Variants in DTX4 observed in about 807,000 individuals in gnomAD.
DTX4 encodes E3 ubiquitin-protein ligase DTX4.
In DTX4, 28 loss-of-function variants were observed where a neutral mutation model predicts 57.6. The observed-to-expected ratio is 0.49, with a 90% CI of 0.36 to 0.67. DTX4 has a LOEUF of 0.67. Ranked by LOEUF, DTX4 falls within the 30% of genes least tolerant of loss-of-function variation. DTX4 has a pLI of 0.00. For missense variants in DTX4, 715 were observed against 836.8 expected (o/e 0.85, Z 1.80); for synonymous variants, 316 against 331.0 (o/e 0.95, Z 0.49).
chr11:59,172,895 A>G, intron 1 of DTX4, 89 bp downstream of exon 1: 1 of 1,053,248 alleles, frequency 9.5e-7, no homozygotes, highest in Non-Finnish European at 1.3e-6. Context: ...CACCTTGGCC[A>G]CCTAGTCGGC....
rs768448181 is a variant in DTX4, at chr11:59,189,200, G to A, written c.1036G>A (p.Val346Met). The change falls in exon 4 of 9, where the codon GTG (valine) becomes ATG (methionine). Residue 346 changes from valine (V) to methionine (M), a missense_variant. Transcript: ENST00000227451. The stretch of plus-strand genomic sequence containing the variant: ...CCTCATGAGTGCAGCGGGGCTGCCT[G>A]TGTGTCTCACCAGGCCACCAAAGCT... ...GILMSAAGLP[V>M]CLTRPPKLVL... The A allele has an allele frequency of 6.2e-7, 1 of 1,613,772 alleles. No individual in the cohort carries two copies.
intron 6 of DTX4, among the ~76,000 whole-genome samples, chr11:59,192,713 T>C (rs1035948157): frequency 1.3e-5 from 2 of 152,208 alleles, no homozygotes; most frequent in African/African-American, 4.8e-5. Flanking sequence ...ACAATTTTCT[T>C]TGGACAATTT....
chr11:59,196,797 G>A (rs532002754), intron 7 of DTX4, among the ~76,000 whole-genome samples: 34 of 152,056 alleles, frequency 2.2e-4, no homozygotes, highest in Non-Finnish European at 4.4e-4. Context: ...CCCAGATGAG[G>A]CCATCTAGTT....
Position 59,172,768 on chromosome 11 carries a change from T to C in DTX4, c.173T>C (p.Ile58Thr). Residue 58 changes from isoleucine to threonine, a missense_variant, in exon 1 of 9, where the codon ATC becomes ACC. Physicochemically the swap from Ile to Thr is moderately conservative, Grantham distance 89 (BLOSUM62 -1). Transcript: ENST00000227451. ...QVDSRLAPYI[I>T]DLQSMNQFRQ... ...GACAGCCGTCTCGCGCCCTACATCA[T>C]CGACCTGCAGTCCATGAACCAGTTC... 1 of 1,598,680 alleles carries C rather than the reference T, an allele frequency of 6.3e-7. No homozygotes were observed. Among genetic ancestry groups the C allele is most frequent in the East Asian group, 2.3e-5 (1 of 43,440 alleles).
intron 1 of DTX4, among the ~76,000 whole-genome samples, chr11:59,173,419 G>A (rs1352347227): frequency 6.6e-6 from 1 of 152,200 alleles, no homozygotes; most frequent in Non-Finnish European, 1.5e-5. Flanking sequence ...AGAGACTAGG[G>A]CTGGGGTACC....
At chr11:59,183,260 G>T (rs78812317) in intron 2 of DTX4, among the ~76,000 whole-genome samples, 1 of 152,116 alleles carries the variant, frequency 6.6e-6, no homozygotes, top group African/African-American at 2.4e-5. Context: ...TTTCTTTCCC[G>T]TAGTCTCTCT....
intron 7 of DTX4, among the ~76,000 whole-genome samples, 155 bp downstream of exon 7, chr11:59,195,524 C>T (rs1862655315): frequency 6.6e-6 from 1 of 152,218 alleles, no homozygotes. Context: ...CCCGACTCAA[C>T]ACTATTGTTC....
Position 59,204,974 on chromosome 11 carries a change from G to A in DTX4, c.*65G>A. On this transcript the variant is annotated 3_prime_UTR_variant, in exon 9 of 9. Transcript: ENST00000227451. ...GCAGGACAGGAAGTGAGGAGAGTGAGTCAATGTAGAAGAAGTTGGTGTCCT... is the reference window on the plus strand; with the variant it reads ...GCAGGACAGGAAGTGAGGAGAGTGAATCAATGTAGAAGAAGTTGGTGTCCT... The A allele has an allele frequency of 9.8e-6, 14 of 1,427,010 alleles. No homozygotes were observed. Among genetic ancestry groups the A allele is most frequent in the Non-Finnish European group, 1.3e-5 (14 of 1,039,834 alleles). The allele number at this position is 1,427,010 out of a possible 1,614,324, so 88.4% of individuals were successfully genotyped here. A position where few individuals can be genotyped will look rare whatever the true frequency, so the allele number is the denominator to read the frequency against.
chr11:59,183,251 T>C (rs2135515709), intron 2 of DTX4, among the ~76,000 whole-genome samples: 1 of 152,292 alleles, frequency 6.6e-6, no homozygotes, highest in Middle Eastern at 3.4e-3. Context: ...AAATGAGAGT[T>C]TCTTTCCCGT....
intron 6 of DTX4, chr11:59,194,923 A>G (rs952246330): frequency 7.3e-5 from 32 of 440,772 alleles, no homozygotes; most frequent in Non-Finnish European, 1.3e-4. Context: ...CTCCCTGTGT[A>G]GGCTCCTGCC....
chr11:59,191,049 C>A, intron 4 of DTX4, 65 bp from the exon 5 acceptor site: 1 of 1,480,614 alleles, frequency 6.8e-7, no homozygotes, highest in South Asian at 1.2e-5. Context: ...CCATGTCTAG[C>A]ACGACAAGGC....
chr11:59,187,474 G>A (rs557638291), intron 2 of DTX4, among the ~76,000 whole-genome samples: 1 of 152,356 alleles, frequency 6.6e-6, no homozygotes, highest in African/African-American at 2.4e-5. Context: ...TGAGCCATGT[G>A]TTCACTGCTG....
chr11:59,196,469 G>A (rs542673923), intron 7 of DTX4, among the ~76,000 whole-genome samples: 31 of 152,364 alleles, frequency 2.0e-4, no homozygotes, highest in African/African-American at 6.5e-4. Flanking sequence ...CCTCTGAGAT[G>A]CAACGTAGAC....
At chr11:59,186,231 C>T (rs1010701665) in intron 2 of DTX4, among the ~76,000 whole-genome samples, 2 of 152,212 alleles carry the variant, frequency 1.3e-5, no homozygotes, top group Non-Finnish European at 2.9e-5. Context: ...CCTTCCCTCC[C>T]TCTCTCCACA....
At chr11:59,190,790 A>G (rs1280968602) in intron 4 of DTX4, among the ~76,000 whole-genome samples, 1 of 152,256 alleles carries the variant, frequency 6.6e-6, no homozygotes, top group African/African-American at 2.4e-5. Context: ...AACAGTTTGC[A>G]AAGTGCTGTT....
rs141860745 is a variant in DTX4 at position 59,182,408 on chromosome 11, G to A, written c.881G>A (p.Arg294His). 1,222 of 1,613,296 alleles carry A rather than the reference G, an allele frequency of 7.6e-4. 12 individuals are homozygous for A. In the East Asian group the frequency reaches 0.022, roughly 29 times the overall value. Residue 294 changes from arginine (R) to histidine (H), a missense_variant, in exon 2 of 9, where the codon CGT (arginine) becomes CAT (histidine). Coordinates refer to ENST00000227451, the MANE Select transcript of DTX4 (RefSeq NM_015177.2). Reference protein sequence around the residue: ...TGRVALATLNRTNLQRLAIAQ... With the variant: ...TGRVALATLNHTNLQRLAIAQ... ...AGGGTGGCCCTGGCCACCTTGAATC[G>A]TACCAACCTGCAGCGACTGGCCATT...
chr11:59,199,400 G>A (rs1159043264), intron 7 of DTX4, among the ~76,000 whole-genome samples: 2 of 152,120 alleles, frequency 1.3e-5, no homozygotes, highest in Non-Finnish European at 2.9e-5. Flanking sequence ...GCCCCATAAG[G>A]GAAGGACTCT....
At chr11:59,196,174 C>G (rs77538115) in intron 7 of DTX4, among the ~76,000 whole-genome samples, 3 of 152,198 alleles carry the variant, frequency 2.0e-5, no homozygotes, top group Non-Finnish European at 4.4e-5. Context: ...TTTTATTTAA[C>G]AAACATGGAG....
chr11:59,173,012 AGTGTTGTG>A (rs1323836679), intron 1 of DTX4, among the ~76,000 whole-genome samples: 3 of 152,098 alleles, frequency 2.0e-5, no homozygotes, highest in African/African-American at 7.2e-5. Flanking sequence ...AAATAGTATC[AGTGTTGTG>A]GTTTTGCAAA....
Sources: gnomAD v4.1 joint callset for allele counts (sites outside exome capture counted in the v4.1 genomes callset) on GRCh38, gnomAD v4.1.1 for gene constraint, MANE v1.5 for transcripts, NCBI Gene and HGNC (gene_info 2026-07-23, HGNC 2026-07-21) for gene names.